The following KIF1A variants were observed in gnomAD, a reference collection of about 807,000 sequenced individuals.
KIF1A encodes the protein kinesin-like protein KIF1A.
KIF1A carries 46 observed loss-of-function variants against 227.3 expected under a neutral mutation model. That is an observed-to-expected ratio of 0.20 (90% CI 0.16 to 0.26). The LOEUF (loss-of-function observed/expected upper bound fraction) is 0.26. Ranked by LOEUF, KIF1A falls within the 10% of genes least tolerant of loss-of-function variation. KIF1A has a pLI of 1.00. For missense variants in KIF1A, 1,683 were observed against 2,485.9 expected (o/e 0.68, Z 6.87); for synonymous variants, 1,022 against 1,012.8 (o/e 1.01, Z -0.17).
chr2:240,768,930 T>G (rs924558368), intron 17 of KIF1A, among the ~76,000 whole-genome samples: 4 of 152,210 alleles, frequency 2.6e-5, no homozygotes, highest in Non-Finnish European at 5.9e-5. Context: ...GCCACCAGCA[T>G]GCCCCACCAT....
chr2:240,741,143 C>T, intron 35 of KIF1A, 126 bp downstream of exon 35: 4 of 650,118 alleles, frequency 6.2e-6, no homozygotes, highest in Non-Finnish European at 1.1e-5. Flanking sequence ...AAGAGGTCTG[C>T]AGTGAACACC....
chr2:240,734,627 C>T (rs776731207), intron 38 of KIF1A: 36 of 943,808 alleles, frequency 3.8e-5, no homozygotes, highest in Non-Finnish European at 5.3e-5. Context: ...AAGTTAACTT[C>T]TCAGGGGCAT....
chr2:240,811,586 C>T (rs944777833), intron 1 of KIF1A, among the ~76,000 whole-genome samples: 2 of 152,110 alleles, frequency 1.3e-5, no homozygotes, highest in African/African-American at 4.8e-5. Context: ...TGCCAGAGCC[C>T]AGGAGAAAGG....
intron 1 of KIF1A, chr2:240,798,055 A>C: frequency 3.4e-6 from 1 of 297,826 alleles, no homozygotes. Context: ...CAAAAGAAAC[A>C]GAAACACAGC....
At chr2:240,815,657 G>A (rs886954012) in intron 1 of KIF1A, among the ~76,000 whole-genome samples, 1 of 152,194 alleles carries the variant, frequency 6.6e-6, no homozygotes, top group Non-Finnish European at 1.5e-5. Context: ...TCTTCACTCT[G>A]TGTGAGGCAC....
intron 17 of KIF1A, among the ~76,000 whole-genome samples, chr2:240,768,706 A>C (rs2051526777): frequency 6.6e-6 from 1 of 152,146 alleles, no homozygotes; most frequent in Non-Finnish European, 1.5e-5. Flanking sequence ...TGGTGGGAAA[A>C]GAGGGGTCCC....
intron 38 of KIF1A, among the ~76,000 whole-genome samples, chr2:240,727,628 A>C (rs2046179632): frequency 6.6e-6 from 1 of 152,200 alleles, no homozygotes. Context: ...CACGGGAGAC[A>C]GCGGCGGCCT....
chr2:240,735,656 A>G (rs2125709276), intron 38 of KIF1A, among the ~76,000 whole-genome samples: 1 of 151,886 alleles, frequency 6.6e-6, no homozygotes, highest in East Asian at 2.0e-4. Context: ...CCCATGGCCC[A>G]GGCACAGCAG....
At chr2:240,802,939 T>C (rs1229404079) in intron 1 of KIF1A, among the ~76,000 whole-genome samples, 1 of 152,198 alleles carries the variant, frequency 6.6e-6, no homozygotes, top group East Asian at 1.9e-4. Flanking sequence ...CTCATACATA[T>C]TCTTTTAAAG....
intron 14 of KIF1A, chr2:240,771,390 A>G (rs2051962180): frequency 4.1e-6 from 2 of 485,354 alleles, no homozygotes; most frequent in Non-Finnish European, 7.5e-6. Context: ...AGTGGCGCGC[A>G]CTTGCCCGCC....
rs2053130483 is a variant in KIF1A, at chr2:240,778,829, A to G, written c.883-2903T>C. 6.6e-6 allele frequency among the ~76,000 whole-genome samples: 1 copy of G among 151,758 alleles called. No homozygotes were observed. The highest frequency in any genetic ancestry group is 2.1e-4 in the South Asian group (1 of 4,800). On this transcript the variant is annotated intron_variant, in intron 10 of 48. Coordinates refer to ENST00000498729, the MANE Select transcript of KIF1A (RefSeq NM_001244008.2). The surrounding 1 kb of genome is among the most constrained non-coding windows in gnomAD (Gnocchi z 7.2). ...CGTTTCCCAAACAGCTCCTCCCGCCATGGCTCACACACTTCCTCACACGTT... is the reference window on the plus strand; with the variant it reads ...CGTTTCCCAAACAGCTCCTCCCGCCGTGGCTCACACACTTCCTCACACGTT...
Position 240,771,088 on chromosome 2 carries a change from C to A in KIF1A, c.1224G>T (p.Val408=). 1 of 1,613,578 alleles carries A rather than the reference C, an allele frequency of 6.2e-7. No individual in the cohort carries two copies. Among genetic ancestry groups the A allele is most frequent in the Non-Finnish European group, 8.5e-7 (1 of 1,179,812 alleles). ...AGAGCGAGGATGAGGGGCTCATACC[C>A]ACCAGGGCATTGGTCACTGTGGAGA... ...PGGPKLTNAL[V]GMSPSSSLSA... Residue 408 remains valine (V), a synonymous_variant, in exon 15 of 49, where the codon GTG becomes GTT. Coordinates refer to ENST00000498729, the MANE Select transcript of KIF1A (RefSeq NM_001244008.2).
In KIF1A at chr2:240,723,179, G is replaced by A. The variant is rs74002906; in HGVS notation, c.4464+234C>T. On this transcript the variant is annotated intron_variant, in intron 42 of 48. Transcript: ENST00000498729. ...GTCTATATGCCCGATAGTCTTCCTC[G>A]GCTAATTCCAGAGCATGCCTCTGTG... Among the ~76,000 whole-genome samples the A allele has an allele frequency of 0.042, 6,464 of 152,232 alleles. 390 individuals carry two copies. The highest frequency in any genetic ancestry group is 0.14 in the African/African-American group (5,925 of 41,514).
chr2:240,767,452 C>T, intron 17 of KIF1A, 107 bp from the exon 18 acceptor site: 1 of 911,508 alleles, frequency 1.1e-6, no homozygotes. Context: ...ACCAGGGTCC[C>T]TGCCCCCGCA....
intron 30 of KIF1A, 37 bp from the exon 31 acceptor site, chr2:240,745,946 G>A (rs369173403): frequency 1.9e-6 from 3 of 1,593,152 alleles, no homozygotes; most frequent in Non-Finnish European, 1.7e-6. Flanking sequence ...GGACCTCCAG[G>A]CCATATTGTC....
intron 27 of KIF1A, among the ~76,000 whole-genome samples, chr2:240,756,238 C>CCT (rs1319692684): frequency 1.3e-5 from 2 of 152,132 alleles, no homozygotes; most frequent in African/African-American, 4.8e-5. Context: ...CTTCCACTGG[C>CCT]CTAGCCCAGG....
Position 240,752,400 on chromosome 2 carries a change from CA to C in KIF1A, c.2859-1854del, listed in dbSNP as rs1234190408. Among the ~76,000 whole-genome samples the C allele has an allele frequency of 6.6e-6, 1 of 152,136 alleles. No homozygotes were observed. The highest frequency in any genetic ancestry group is 1.5e-5 in the Non-Finnish European group (1 of 68,030). On this transcript the variant is annotated intron_variant, in intron 27 of 48. Coordinates refer to ENST00000498729, the MANE Select transcript of KIF1A (RefSeq NM_001244008.2). The surrounding 1 kb of genome is among the most constrained non-coding windows in gnomAD (Gnocchi z 6.4). ...CCCCACAGTCCTGCTGGGTGCTCCG[CA>C]GGCAGGGACTCACCAGCATCCCCTT...
At chr2:240,768,873 C>T (rs2051553944) in intron 17 of KIF1A, among the ~76,000 whole-genome samples, 1 of 152,130 alleles carries the variant, frequency 6.6e-6, no homozygotes, top group African/African-American at 2.4e-5. Context: ...CCTTGGAGAG[C>T]CCAGTCCACA....
At position 240,718,996 on chromosome 2, in the gene KIF1A, C is replaced by A. The variant is rs777757771; in HGVS notation, c.5214+10G>T. 1 of 1,594,210 alleles carries A rather than the reference C, an allele frequency of 6.3e-7. No homozygotes were observed. ...CCTGGTGCCCGAGCCTGAGCCGGGC[C>A]CAGCCGCACCTTGAGCATAGCCTGC... On this transcript the variant is annotated intron_variant, in intron 47 of 48. Coordinates refer to ENST00000498729, the MANE Select transcript of KIF1A (RefSeq NM_001244008.2).
Sources: allele counts gnomAD v4.1 joint callset (sites outside exome capture counted in the v4.1 genomes callset), GRCh38; gene constraint gnomAD v4.1.1; non-coding constraint Gnocchi (gnomAD v3.1); transcripts MANE v1.5; gene names NCBI Gene and HGNC (gene_info 2026-07-23, HGNC 2026-07-21).